The following PACRG variants were observed in gnomAD, a reference collection of about 807,000 sequenced individuals.
PACRG encodes parkin coregulated.
In PACRG, 29 loss-of-function variants were observed where a neutral mutation model predicts 29.7. That is an observed-to-expected ratio of 0.98 (90% confidence interval 0.73 to 1.33). PACRG has a LOEUF of 1.33. PACRG is among the 40% of genes most tolerant of loss of function. PACRG has a pLI of 0.00. For synonymous variants in PACRG, 116 were observed against 118.7 expected, an observed-to-expected ratio of 0.98 and a Z score of 0.15; for missense variants, 279 against 316.2, an observed-to-expected ratio of 0.88 and a Z score of 0.89.
chr6:162,756,145 A>ATCCATGT (rs1347619734), intron 1 of PACRG, among the ~76,000 whole-genome samples: 2 of 152,166 alleles, frequency 1.3e-5, no homozygotes, highest in Non-Finnish European at 2.9e-5. Flanking sequence ...TGTTCTGTTT[A>ATCCATGT]TGTCTGTTAG....
chr6:162,998,991 G>T (rs1804337272), intron 2 of PACRG, among the ~76,000 whole-genome samples: 1 of 152,134 alleles, frequency 6.6e-6, no homozygotes, highest in African/African-American at 2.4e-5. Flanking sequence ...CTTCTGCAGG[G>T]CATGGCCAGC....
intron 2 of PACRG, among the ~76,000 whole-genome samples, chr6:163,017,102 TTAGA>T (rs1806180517): frequency 6.6e-6 from 1 of 152,146 alleles, no homozygotes; most frequent in Admixed American, 6.5e-5. Flanking sequence ...TAACTTTTCC[TTAGA>T]TAGACTCGGT....
rs187320846 is a variant in PACRG, at chr6:163,135,705, A to G, written c.613+46297A>G. On this transcript the variant is annotated intron_variant, in intron 4 of 4. Transcript: ENST00000366888. ...TGCTGGGCTGAAAGTTATGTGCATC[A>G]TATCTTTACCTTTTCTACATGTGGC... Among the ~76,000 whole-genome samples the G allele has an allele frequency of 1.2e-3, 183 of 152,334 alleles. 1 individual carries two copies. The highest frequency in any genetic ancestry group is 4.2e-3 in the African/African-American group (174 of 41,570).
chr6:163,130,618 T>C (rs1044814770), intron 4 of PACRG, among the ~76,000 whole-genome samples: 22 of 152,210 alleles, frequency 1.4e-4, no homozygotes, highest in African/African-American at 5.1e-4. Context: ...ATCAGTGATT[T>C]TCAAAGATTT....
At chr6:162,992,169 A>G (rs1366312190) in intron 2 of PACRG, among the ~76,000 whole-genome samples, 1 of 135,446 alleles carries the variant, frequency 7.4e-6, no homozygotes, top group Non-Finnish European at 1.5e-5. Flanking sequence ...TTTTTGCATC[A>G]ATGTTCATCA....
Position 163,133,673 on chromosome 6 carries a change from G to C in PACRG, c.613+44265G>C, listed in dbSNP as rs536788260. Among the ~76,000 whole-genome samples, 12 of 152,300 alleles carry C rather than the reference G, an allele frequency of 7.9e-5. No homozygotes were observed. The Middle Eastern group carries it at 0.014, about 173-fold the overall frequency. ...AGCAGGGCTGGGCTGCGAAGCTGTCGAGCCCGGTGCAAAATGGAAATGTGG... is the reference window on the plus strand; with the variant it reads ...AGCAGGGCTGGGCTGCGAAGCTGTCCAGCCCGGTGCAAAATGGAAATGTGG... On this transcript the variant is annotated intron_variant, in intron 4 of 4. Transcript: ENST00000366888.
chr6:162,800,471 A>C (rs999483301), intron 1 of PACRG, among the ~76,000 whole-genome samples: 1 of 152,212 alleles, frequency 6.6e-6, no homozygotes, highest in African/African-American at 2.4e-5. Context: ...TTTATCTATA[A>C]ATTTTGAATG....
At chr6:162,859,413 C>A (rs1791670638) in intron 2 of PACRG, among the ~76,000 whole-genome samples, 1 of 152,134 alleles carries the variant, frequency 6.6e-6, no homozygotes, top group Non-Finnish European at 1.5e-5. Context: ...CTACCTTTTC[C>A]TAATTGAATT....
At chr6:163,257,033 T>G (rs1296189165) in intron 4 of PACRG, among the ~76,000 whole-genome samples, 3 of 152,140 alleles carry the variant, frequency 2.0e-5, no homozygotes, top group Admixed American at 2.0e-4. Flanking sequence ...TTTTCTTGTC[T>G]GTGTCTCGGC....
chr6:163,201,338 A>G (rs548095219), intron 4 of PACRG, among the ~76,000 whole-genome samples: 1 of 152,206 alleles, frequency 6.6e-6, no homozygotes, highest in African/African-American at 2.4e-5. Context: ...TCAGTTCACA[A>G]GTGGATTTTT....
intron 2 of PACRG, among the ~76,000 whole-genome samples, chr6:163,021,858 C>T (rs188164002): frequency 5.3e-5 from 8 of 152,318 alleles, no homozygotes; most frequent in Admixed American, 5.2e-4. Flanking sequence ...GGAGCCTGCT[C>T]CCTGTTATTC....
chr6:163,141,858 T>C (rs1420617206), intron 4 of PACRG, among the ~76,000 whole-genome samples: 2 of 152,016 alleles, frequency 1.3e-5, no homozygotes, highest in Non-Finnish European at 2.9e-5. Flanking sequence ...CTCTAACAGA[T>C]CAAATAAAAA....
At chr6:162,797,927 TG>T (rs35291194) in intron 1 of PACRG, among the ~76,000 whole-genome samples, 15,600 of 152,264 alleles carry the variant, frequency 0.1, 936 homozygotes, top group Middle Eastern at 0.17. Flanking sequence ...TCATAATTCT[TG>T]GTCTCCTTTC....
intron 4 of PACRG, among the ~76,000 whole-genome samples, chr6:163,201,141 A>G (rs1780681966): frequency 7.4e-6 from 1 of 135,126 alleles, no homozygotes; most frequent in African/African-American, 2.6e-5. Flanking sequence ...AGACGGAAAC[A>G]TAGGGAAAAA....
intron 2 of PACRG, among the ~76,000 whole-genome samples, chr6:162,852,729 G>A (rs532001772): frequency 1.3e-5 from 2 of 152,266 alleles, no homozygotes; most frequent in South Asian, 4.1e-4. Flanking sequence ...GCACAAGAAA[G>A]CCCTGTTATA....
intron 2 of PACRG, among the ~76,000 whole-genome samples, chr6:163,004,757 T>G (rs80154555): frequency 8.4e-6 from 1 of 119,656 alleles, no homozygotes; most frequent in Non-Finnish European, 1.8e-5. Flanking sequence ...CACACACACA[T>G]ATCTGCAAAT....
chr6:163,184,496 G>C (rs145323786), intron 4 of PACRG, among the ~76,000 whole-genome samples: 1 of 152,122 alleles, frequency 6.6e-6, no homozygotes, highest in Non-Finnish European at 1.5e-5. Context: ...CCTAAATAAT[G>C]GTGCAATTCT....
At chr6:163,186,712 G>A (rs989498375) in intron 4 of PACRG, among the ~76,000 whole-genome samples, 1 of 152,172 alleles carries the variant, frequency 6.6e-6, no homozygotes, top group Non-Finnish European at 1.5e-5. Context: ...CCATCTCACA[G>A]ACTAAAACAT....
chr6:162,984,024 AAT>A lies in PACRG; in HGVS notation c.292-78125_292-78124del, dbSNP rs1454740709. On this transcript the variant is annotated intron_variant, in intron 2 of 4. Transcript: ENST00000366888. The stretch of plus-strand genomic sequence containing the variant: ...TTTTTAAAATTCTTTTTTCTTTAAA[AAT>A]TTTTTTTATTTCAATAGGTTTTTGG... Among the ~76,000 whole-genome samples, 254 of 151,232 alleles carry A rather than the reference AAT, an allele frequency of 1.7e-3. 2 individuals are homozygous for A. The highest frequency in any genetic ancestry group is 6.2e-3 in the South Asian group (30 of 4,822).
Sources: allele counts gnomAD v4.1 joint callset (sites outside exome capture counted in the v4.1 genomes callset), GRCh38; gene constraint gnomAD v4.1.1; transcripts MANE v1.5; gene names NCBI Gene and HGNC (gene_info 2026-07-23, HGNC 2026-07-21).